The following CDH23 variants were observed in gnomAD, a reference collection of about 807,000 sequenced individuals.
CDH23 encodes cadherin-23.
In CDH23, 189 loss-of-function variants were observed where a neutral mutation model predicts 317.1. The ratio of observed to expected loss-of-function variants is 0.60; its 90% confidence interval spans 0.53 to 0.67. The LOEUF is 0.67. CDH23 is among the 30% of genes least tolerant of loss of function. The pLI is 0.00. For missense variants in CDH23, 4,401 were observed against 4,592.4 expected (o/e 0.96, Z 1.20); for synonymous variants, 1,839 against 1,876.8 (o/e 0.98, Z 0.52).
intron 3 of CDH23, among the ~76,000 whole-genome samples, chr10:71,475,831 G>T (rs1851767318): frequency 1.3e-5 from 2 of 152,266 alleles, no homozygotes; most frequent in South Asian, 2.1e-4. Context: ...CATGCCTGGG[G>T]TCAGAAGCCT....
At chr10:71,477,190 A>C (rs1463017990) in intron 3 of CDH23, among the ~76,000 whole-genome samples, 1 of 152,102 alleles carries the variant, frequency 6.6e-6, no homozygotes, top group South Asian at 2.1e-4. Flanking sequence ...TTTTTTTGAA[A>C]TGGAGTCTTG....
intron 29 of CDH23, among the ~76,000 whole-genome samples, chr10:71,724,457 C>A (rs886222592): frequency 2.6e-5 from 4 of 152,212 alleles, no homozygotes; most frequent in Non-Finnish European, 4.4e-5. Flanking sequence ...GGACTACAGG[C>A]GCATGCCTGT....
chr10:71,563,859 C>T (rs867566968), intron 6 of CDH23, among the ~76,000 whole-genome samples: 11 of 151,940 alleles, frequency 7.2e-5, no homozygotes, highest in African/African-American at 2.4e-4. Flanking sequence ...AGCCGTTCTC[C>T]TGCCTCAGCC....
At chr10:71,581,351 A>G (rs1165433301) in intron 9 of CDH23, among the ~76,000 whole-genome samples, 1 of 151,906 alleles carries the variant, frequency 6.6e-6, no homozygotes, top group African/African-American at 2.4e-5. Context: ...TCTCTGGGGC[A>G]CCCCCAGAAG....
At chr10:71,469,322 A>C (rs1460978395) in intron 3 of CDH23, among the ~76,000 whole-genome samples, 3 of 152,026 alleles carry the variant, frequency 2.0e-5, no homozygotes, top group African/African-American at 7.2e-5. Context: ...TCCCCAGGCA[A>C]CCTTGGAGCT....
chr10:71,631,706 C>T (rs1862021436), intron 11 of CDH23, among the ~76,000 whole-genome samples: 1 of 152,222 alleles, frequency 6.6e-6, no homozygotes, highest in African/African-American at 2.4e-5. Context: ...CTCCAGAGCC[C>T]TCCTCTTGCA....
At chr10:71,730,163 T>A (rs1839317754) in intron 30 of CDH23, among the ~76,000 whole-genome samples, 1 of 152,126 alleles carries the variant, frequency 6.6e-6, no homozygotes, top group Non-Finnish European at 1.5e-5. Flanking sequence ...ATTACCACTT[T>A]ATAGCTGGGA....
intron 2 of CDH23, among the ~76,000 whole-genome samples, chr10:71,441,505 G>A (rs1255883361): frequency 1.3e-5 from 2 of 152,080 alleles, no homozygotes; most frequent in African/African-American, 2.4e-5. Flanking sequence ...GATCACTTGT[G>A]GTCAGGAGTT....
chr10:71,763,571 G>A (rs1165691713), intron 38 of CDH23, among the ~76,000 whole-genome samples: 2 of 152,316 alleles, frequency 1.3e-5, no homozygotes, highest in East Asian at 3.9e-4. Flanking sequence ...AGCCTGGTGG[G>A]GCTTCTGGAG....
Position 71,725,473 on chromosome 10 carries a change from G to A in CDH23, c.3532G>A (p.Val1178Met), listed in dbSNP as rs1455099901. ...RERNSSHVLIVEAYNHDLGPM... is the reference protein window; with the variant it reads ...RERNSSHVLIMEAYNHDLGPM... ...GCGGAACTCATCCCACGTGCTGATA[G>A]TGGAGGCCTACAACCACGACCTGGG... The change falls in exon 30 of 70, where the codon GTG becomes ATG. Residue 1178 changes from valine to methionine, a missense_variant. By Grantham distance (21) the Val-to-Met change is conservative. This residue lies in a region of CDH23 where 3,068 missense variants were observed against 3,203.3 expected (regional missense o/e 0.96). Coordinates refer to ENST00000224721, the MANE Select transcript of CDH23 (RefSeq NM_022124.6). The A allele has an allele frequency of 1.2e-6, 2 of 1,613,986 alleles. No individual in the cohort carries two copies. The highest frequency in any genetic ancestry group is 1.7e-6 in the Non-Finnish European group (2 of 1,179,868).
At chr10:71,631,245 C>A (rs1383067648) in intron 11 of CDH23, among the ~76,000 whole-genome samples, 1 of 152,102 alleles carries the variant, frequency 6.6e-6, no homozygotes, top group East Asian at 1.9e-4. Context: ...CCCAACTCTA[C>A]CTAAAACAAA....
rs951623307 is a variant in CDH23 at position 71,646,058 on chromosome 10, C to T, written c.1290+78C>T. ...GGAGGCGAGGGTAGGGTAGAAGATT[C>T]CCTTAGATCCCACCTTCCACTGCTG... On this transcript the variant is annotated intron_variant, in intron 13 of 69. Coordinates refer to ENST00000224721, the MANE Select transcript of CDH23 (RefSeq NM_022124.6). The T allele has an allele frequency of 2.6e-5, 40 of 1,517,714 alleles. 1 individual carries two copies. The highest frequency in any genetic ancestry group is 3.3e-5 in the Non-Finnish European group (37 of 1,119,196). 94.0% of individuals were successfully genotyped at this position (1,517,714 alleles called of 1,614,324 possible).
intron 34 of CDH23, 56 bp from the exon 35 acceptor site, chr10:71,738,442 G>A: frequency 6.2e-7 from 1 of 1,610,046 alleles, no homozygotes; most frequent in Non-Finnish European, 8.5e-7. Context: ...GGACCCAGGT[G>A]TTTGGGGCCA....
chr10:71,642,695 C>T (rs900481224), intron 11 of CDH23, among the ~76,000 whole-genome samples: 1 of 151,460 alleles, frequency 6.6e-6, no homozygotes, highest in Non-Finnish European at 1.5e-5. Context: ...CCACCGCACC[C>T]GGCCTGGGCC....
chr10:71,795,145 A>G (rs1841364259), intron 48 of CDH23, among the ~76,000 whole-genome samples: 1 of 152,210 alleles, frequency 6.6e-6, no homozygotes, highest in Non-Finnish European at 1.5e-5. Context: ...ATTAACAAAA[A>G]ATATACTTCA....
At chr10:71,516,375 G>A (rs1392481949) in intron 6 of CDH23, among the ~76,000 whole-genome samples, 1 of 152,160 alleles carries the variant, frequency 6.6e-6, no homozygotes, top group Non-Finnish European at 1.5e-5. Context: ...TGCTGGCTGC[G>A]ATCAGGGTCA....
chr10:71,814,623 C>A (rs1010177767), intron 69 of CDH23, among the ~76,000 whole-genome samples: 1 of 145,034 alleles, frequency 6.9e-6, no homozygotes, highest in Non-Finnish European at 1.5e-5. Context: ...CGCGCCACTG[C>A]GAGACTCTGT....
chr10:71,609,574 C>T (rs917584820), intron 9 of CDH23, among the ~76,000 whole-genome samples: 2 of 152,176 alleles, frequency 1.3e-5, no homozygotes, highest in South Asian at 2.1e-4. Context: ...CCCTGCAGAC[C>T]GTCTCTTTCT....
chr10:71,679,326 C>G, intron 16 of CDH23, 61 bp from the exon 17 acceptor site: 2 of 894,450 alleles, frequency 2.2e-6, no homozygotes, highest in Non-Finnish European at 3.6e-6. Context: ...CAGCTGCCCA[C>G]CCTCTTCTGG....
Sources: allele counts gnomAD v4.1 joint callset (sites outside exome capture counted in the v4.1 genomes callset), GRCh38; gene constraint gnomAD v4.1.1; regional missense constraint gnomAD v4.1.1; transcripts MANE v1.5; gene names NCBI Gene and HGNC (gene_info 2026-07-23, HGNC 2026-07-21).